Variants in SGK1 observed in about 807,000 individuals in gnomAD.
The protein encoded by SGK1 is serum/glucocorticoid regulated kinase 1, also known as serine/threonine-protein kinase Sgk1.
Under a neutral mutation model 64.2 loss-of-function variants are expected in SGK1, and 26 were observed. The ratio of observed to expected loss-of-function variants is 0.40; its 90% CI spans 0.30 to 0.56. The LOEUF (loss-of-function observed/expected upper bound fraction) is 0.56. SGK1 is among the 20% of genes least tolerant of loss of function. SGK1 has a pLI of 0.38. For missense variants in SGK1, 519 were observed against 645.6 expected (o/e 0.80, Z 2.12); for synonymous variants, 265 against 239.7 (o/e 1.11, Z -0.98).
intron 2 of SGK1, chr6:134,261,554 G>A (rs759902299): frequency 3.1e-5 from 14 of 454,474 alleles, no homozygotes; most frequent in Non-Finnish European, 5.4e-5. Context: ...GTATGATACT[G>A]TAATGGTGGA....
chr6:134,238,510 T>A (rs1776396392), intron 2 of SGK1, among the ~76,000 whole-genome samples: 1 of 152,132 alleles, frequency 6.6e-6, no homozygotes, highest in African/African-American at 2.4e-5. Context: ...TAAAGTCTAA[T>A]GAACTGACAT....
intron 3 of SGK1, among the ~76,000 whole-genome samples, chr6:134,187,462 C>G (rs545014211): frequency 2.6e-5 from 4 of 152,170 alleles, no homozygotes; most frequent in Non-Finnish European, 5.9e-5. Context: ...CCTGTGGATC[C>G]TGGCTATGGG....
chr6:134,189,570 TAGATA>T (rs1385730929), intron 3 of SGK1, among the ~76,000 whole-genome samples: 1 of 152,196 alleles, frequency 6.6e-6, no homozygotes, highest in Non-Finnish European at 1.5e-5. Context: ...TTGTGCCAAA[TAGATA>T]AGACTATTTC....
chr6:134,176,088 A>C (rs1268555673), intron 3 of SGK1: 1 of 669,290 alleles, frequency 1.5e-6, no homozygotes, highest in Non-Finnish European at 1.8e-6. Context: ...CCATGCCAAG[A>C]ACACGTGAGG....
At chr6:134,256,806 T>C (rs1776691753) in intron 2 of SGK1, among the ~76,000 whole-genome samples, 1 of 152,198 alleles carries the variant, frequency 6.6e-6, no homozygotes, top group South Asian at 2.1e-4. Flanking sequence ...CCTCGGGATA[T>C]CACAATATTG....
intron 2 of SGK1, among the ~76,000 whole-genome samples, chr6:134,217,896 T>C (rs1776012870): frequency 6.6e-6 from 1 of 152,196 alleles, no homozygotes; most frequent in African/African-American, 2.4e-5. Flanking sequence ...TATTTTGATA[T>C]TTTTCAGTTT....
At chr6:134,217,094 G>A (rs772383220) in intron 2 of SGK1, among the ~76,000 whole-genome samples, 1 of 152,200 alleles carries the variant, frequency 6.6e-6, no homozygotes, top group African/African-American at 2.4e-5. Flanking sequence ...GAGGGGATCA[G>A]GGGACTGCTA....
chr6:134,285,206 C>T (rs1415197247), intron 1 of SGK1, among the ~76,000 whole-genome samples: 1 of 152,048 alleles, frequency 6.6e-6, no homozygotes, highest in Non-Finnish European at 1.5e-5. Context: ...CGCCTGTAAT[C>T]CCAGCACTTT....
chr6:134,205,095 T>G (rs1775749183), intron 3 of SGK1, among the ~76,000 whole-genome samples: 1 of 152,158 alleles, frequency 6.6e-6, no homozygotes, highest in African/African-American at 2.4e-5. Context: ...GGGCTGCTGG[T>G]CAAGCACCAT....
At chr6:134,178,999 CTTTA>C (rs1289408922) in intron 3 of SGK1, among the ~76,000 whole-genome samples, 11 of 151,966 alleles carry the variant, frequency 7.2e-5, no homozygotes, top group African/African-American at 2.2e-4. Flanking sequence ...TTTTTTATTT[CTTTA>C]TTTGTCACTC....
Position 134,207,382 on chromosome 6 carries a change from C to G in SGK1, c.335G>C (p.Arg112Thr), listed in dbSNP as rs767279723. The G allele has an allele frequency of 2.5e-6, 4 of 1,611,334 alleles. No homozygotes were observed. Among genetic ancestry groups the G allele is most frequent in the Non-Finnish European group, 3.4e-6 (4 of 1,177,742 alleles). ...TGGATCATCATTAGTCCAGAAGGTT[C>G]TTGGATCGGGCTTGGTCAGGATGTT... ...HANILTKPDPRTFWTNDDPAF... is the reference protein window; with the variant it reads ...HANILTKPDPTTFWTNDDPAF... The change falls in exon 3 of 14, where the codon AGA becomes ACA. Residue 112 changes from arginine (R) to threonine (T), a missense_variant. By Grantham distance (71) the Arg-to-Thr change is moderately conservative. This residue lies in a region of SGK1 where 241 missense variants were observed against 236.9 expected (regional missense o/e 1.02). Coordinates refer to ENST00000367858, the MANE Select transcript of SGK1 (RefSeq NM_001143676.3).
At chr6:134,258,670 G>T (rs1039215783) in intron 2 of SGK1, among the ~76,000 whole-genome samples, 1 of 152,082 alleles carries the variant, frequency 6.6e-6, no homozygotes, top group African/African-American at 2.4e-5. Context: ...GCGCCACTGC[G>T]CTTTCCAGCC....
At chr6:134,178,765 A>G (rs1775287827) in intron 3 of SGK1, among the ~76,000 whole-genome samples, 1 of 152,156 alleles carries the variant, frequency 6.6e-6, no homozygotes, top group South Asian at 2.1e-4. Context: ...CACCTTGTGC[A>G]GTCATAGAAA....
At chr6:134,262,516 C>T (rs1271309844) in intron 1 of SGK1, among the ~76,000 whole-genome samples, 1 of 58 alleles carries the variant, frequency 0.017, no homozygotes, top group Non-Finnish European at 0.036. Flanking sequence ...CCTCCTGGAC[C>T]AGCCTGCCAA....
chr6:134,265,564 C>T (rs988352483), intron 1 of SGK1, among the ~76,000 whole-genome samples: 6 of 144,862 alleles, frequency 4.1e-5, no homozygotes, highest in African/African-American at 1.0e-4. Context: ...TATATATATA[C>T]ATATATATTT....
intron 3 of SGK1, among the ~76,000 whole-genome samples, chr6:134,179,611 G>C (rs1000691776): frequency 6.6e-6 from 1 of 150,950 alleles, no homozygotes; most frequent in Non-Finnish European, 1.5e-5. Context: ...ATAGACACAG[G>C]TTGTATAGTA....
chr6:134,174,206 C>A, intron 4 of SGK1, 126 bp from the exon 5 acceptor site: 1 of 671,278 alleles, frequency 1.5e-6, no homozygotes, highest in Non-Finnish European at 2.6e-6. Context: ...TGAAAATACC[C>A]CAATACATTA....
Position 134,170,359 on chromosome 6 carries a change from G to A in SGK1, c.1490C>T (p.Pro497Leu). The A allele has an allele frequency of 1.2e-6, 2 of 1,614,168 alleles. No individual in the cohort carries two copies. The highest frequency in any genetic ancestry group is 1.3e-5 in the African/African-American group (1 of 75,056). ...EPVPNSIGKS[P>L]DSVLVTASVK... ...GCTGGCTGTGACGAGGACGCTGTCA[G>A]GGGACTTGCCAATGGAGTTGGGGAC... is the stretch of plus-strand genomic sequence containing the variant. Residue 497 changes from proline to leucine, a missense_variant, in exon 14 of 14, where the codon CCT (proline) becomes CTT (leucine). Physicochemically the swap from Pro to Leu is moderately conservative, Grantham distance 98. Transcript: ENST00000367858.
chr6:134,251,463 G>A (rs1776604696), intron 2 of SGK1, among the ~76,000 whole-genome samples: 1 of 152,162 alleles, frequency 6.6e-6, no homozygotes, highest in Admixed American at 6.5e-5. Context: ...TACAACAAAA[G>A]CCAACAAAAT....
Sources: gnomAD v4.1 joint callset for allele counts (sites outside exome capture counted in the v4.1 genomes callset) on GRCh38, gnomAD v4.1.1 for gene constraint, gnomAD v4.1.1 regional missense constraint, MANE v1.5 for transcripts, NCBI Gene and HGNC (gene_info 2026-07-23, HGNC 2026-07-21) for gene names.